SUV39H2: variants seen among roughly 807,000 people sequenced by gnomAD.
SUV39H2 encodes histone-lysine N-methyltransferase SUV39H2.
Under a neutral mutation model 47.5 loss-of-function variants are expected in SUV39H2, and 10 were observed. The ratio of observed to expected loss-of-function variants is 0.21; its 90% CI spans 0.13 to 0.36. The LOEUF is 0.36. Ranked by LOEUF, SUV39H2 falls within the 10% of genes least tolerant of loss-of-function variation. The pLI is 1.00. For missense variants in SUV39H2, 266 were observed against 487.4 expected, an observed-to-expected ratio of 0.55 and a Z score of 4.28; for synonymous variants, 159 against 166.8, an observed-to-expected ratio of 0.95 and a Z score of 0.36.
intron 2 of SUV39H2, among the ~76,000 whole-genome samples, chr10:14,893,937 T>TG (rs75527744): frequency 0.3 from 46,156 of 152,144 alleles, 9,770 homozygotes; most frequent in African/African-American, 0.59. Context: ...GATTGTTTGC[T>TG]GGAACACTTG....
rs1026609317 is a variant in SUV39H2, at chr10:14,899,067, C to G, written c.850-472C>G. The G allele has an allele frequency of 8.8e-5, 53 of 601,138 alleles. No individual in the cohort carries two copies. In the East Asian group the frequency reaches 1.5e-3, roughly 17 times the overall value. 37.2% of individuals were successfully genotyped at this position (601,138 alleles called of 1,614,324 possible). ...CATAAATCAACCAGTTACAGTTAATCCCAGCACTTGGGGAGGTCAAGGCTG... is the reference window on the plus strand; with the variant it reads ...CATAAATCAACCAGTTACAGTTAATGCCAGCACTTGGGGAGGTCAAGGCTG... On this transcript the variant is annotated intron_variant, in intron 3 of 5. Coordinates refer to ENST00000354919, the MANE Select transcript of SUV39H2 (RefSeq NM_001193424.2).
intron 2 of SUV39H2, among the ~76,000 whole-genome samples, chr10:14,891,510 C>CT (rs1554768611): frequency 2.6e-5 from 4 of 152,088 alleles, no homozygotes; most frequent in African/African-American, 4.8e-5. Flanking sequence ...GTGTTTGAAG[C>CT]TGTAAGTCTG....
intron 2 of SUV39H2, among the ~76,000 whole-genome samples, chr10:14,888,066 G>A (rs1165749783): frequency 2.0e-5 from 3 of 152,182 alleles, no homozygotes; most frequent in African/African-American, 7.2e-5. Context: ...CTCATAGGCC[G>A]AGGAAAGGAT....
chr10:14,891,549 G>GT (rs1430696821), intron 2 of SUV39H2, among the ~76,000 whole-genome samples: 2 of 152,152 alleles, frequency 1.3e-5, no homozygotes, highest in Admixed American at 6.5e-5. Context: ...GAAGATTAAT[G>GT]TTTAAGAATG....
rs372658702 is a variant in SUV39H2 at position 14,899,809 on chromosome 10, T to C, written c.996+124T>C. On this transcript the variant is annotated intron_variant, in intron 4 of 5. Coordinates refer to ENST00000354919, the MANE Select transcript of SUV39H2 (RefSeq NM_001193424.2). Reference sequence around the variant, plus strand: ...TAACATTTCCAAAATATGTATTTTATAAGGAGGGCAGCTTCTGTTAAGTTA... The same window carrying C: ...TAACATTTCCAAAATATGTATTTTACAAGGAGGGCAGCTTCTGTTAAGTTA... 2.6e-4 allele frequency: 303 copies of C among 1,176,004 alleles called. No individual in the cohort carries two copies. In the African/African-American group the frequency reaches 4.1e-3, roughly 16 times the overall value. 72.8% of individuals were successfully genotyped at this position (1,176,004 alleles called of 1,614,324 possible).
At chr10:14,892,141 CTG>C (rs1170333351) in intron 2 of SUV39H2, among the ~76,000 whole-genome samples, 1 of 152,122 alleles carries the variant, frequency 6.6e-6, no homozygotes, top group Admixed American at 6.5e-5. Flanking sequence ...AGAAGGAAGT[CTG>C]AGAAATGGTT....
intron 3 of SUV39H2, chr10:14,898,382 TTGAGC>T (rs1833753557): frequency 6.6e-6 from 1 of 151,952 alleles, no homozygotes; most frequent in Non-Finnish European, 1.5e-5. Context: ...GAAGGGTAGG[TTGAGC>T]TGTGACTAGA....
At chr10:14,898,202 CTTTTTTTTTTT>C (rs919860514) in intron 3 of SUV39H2, 4 of 56,156 alleles carry the variant, frequency 7.1e-5, no homozygotes, top group Non-Finnish European at 1.1e-4. Flanking sequence ...AGTACTGTTT[CTTTTTTTTTTT>C]TTTTTTTTTT....
At chr10:14,890,074 G>A (rs1833340300) in intron 2 of SUV39H2, among the ~76,000 whole-genome samples, 1 of 152,114 alleles carries the variant, frequency 6.6e-6, no homozygotes, top group Non-Finnish European at 1.5e-5. Flanking sequence ...ACCTCTATAT[G>A]GCGTGGCACA....
intron 2 of SUV39H2, among the ~76,000 whole-genome samples, chr10:14,883,005 C>T (rs1284312983): frequency 1.3e-5 from 2 of 151,960 alleles, no homozygotes; most frequent in Admixed American, 6.6e-5. Flanking sequence ...GTAGCTGGGA[C>T]CACAGGTGCC....
rs776572721 is a variant in SUV39H2 at position 14,896,949 on chromosome 10, C to G, written c.281C>G (p.Ser94Cys). 11 of 1,614,012 alleles carry G rather than the reference C, an allele frequency of 6.8e-6. No homozygotes were observed. Among genetic ancestry groups the G allele is most frequent in the Middle Eastern group, 3.3e-4 (2 of 6,060 alleles). ...LKCPLLLQQF[S>C]NDKHNYLSQV... Reference sequence around the variant, plus strand: ...TGCCCGTTACTGCTTCAGCAATTCTCTAATGACAAGCATAATTATTTATCT... The same window carrying G: ...TGCCCGTTACTGCTTCAGCAATTCTGTAATGACAAGCATAATTATTTATCT... The change falls in exon 3 of 6, where the codon TCT becomes TGT. Residue 94 changes from serine to cysteine, a missense_variant. Around this residue, in one of 4 missense-constraint regions of SUV39H2, gnomAD observed 91 missense variants for 110.9 expected, o/e 0.82. Coordinates refer to ENST00000354919, the MANE Select transcript of SUV39H2 (RefSeq NM_001193424.2).
chr10:14,901,093 C>A, intron 4 of SUV39H2, 40 bp from the exon 5 acceptor site: 2 of 1,606,248 alleles, frequency 1.2e-6, no homozygotes, highest in Non-Finnish European at 1.7e-6. Flanking sequence ...GGCTTGTTTA[C>A]ACCGTTTGTA....
At chr10:14,883,353 C>T (rs539992673) in intron 2 of SUV39H2, among the ~76,000 whole-genome samples, 2 of 152,030 alleles carry the variant, frequency 1.3e-5, no homozygotes, top group South Asian at 4.1e-4. Flanking sequence ...TTTTTAACAG[C>T]TTTGTTGAGA....
intron 2 of SUV39H2, among the ~76,000 whole-genome samples, chr10:14,887,337 A>T (rs1833245182): frequency 6.6e-6 from 1 of 152,150 alleles, no homozygotes; most frequent in Non-Finnish European, 1.5e-5. Context: ...GTCTAGGAAA[A>T]TACAGGTTTC....
chr10:14,898,754 T>TA (rs1201323236), intron 3 of SUV39H2: 1 of 153,740 alleles, frequency 6.5e-6, no homozygotes, highest in Admixed American at 6.5e-5. Flanking sequence ...ATCTTAGACT[T>TA]ACAGAATTGC....
At chr10:14,880,898 A>G (rs1419014256) in intron 1 of SUV39H2, among the ~76,000 whole-genome samples, 1 of 152,240 alleles carries the variant, frequency 6.6e-6, no homozygotes, top group South Asian at 2.1e-4. Context: ...GTGATAATAT[A>G]TTGCAGTATG....
intron 2 of SUV39H2, among the ~76,000 whole-genome samples, chr10:14,895,290 C>T (rs917851345): frequency 6.6e-6 from 1 of 151,948 alleles, no homozygotes; most frequent in African/African-American, 2.4e-5. Flanking sequence ...GATTCTCCTG[C>T]CTCAGCCTCC....
At chr10:14,887,045 A>G (rs1022459386) in intron 2 of SUV39H2, among the ~76,000 whole-genome samples, 2 of 152,196 alleles carry the variant, frequency 1.3e-5, no homozygotes, top group African/African-American at 4.8e-5. Flanking sequence ...GGCAGGTTCT[A>G]AAGAGAGTGA....
rs549781624 is a variant in SUV39H2 at position 14,896,996 on chromosome 10, A to G, written c.328A>G (p.Ile110Val). The G allele has an allele frequency of 8.1e-6, 13 of 1,614,166 alleles. No homozygotes were observed. The highest frequency in any genetic ancestry group is 5.5e-5 in the South Asian group (5 of 91,080). The change falls in exon 3 of 6, where the codon ATA becomes GTA. Residue 110 changes from isoleucine (I) to valine (V), a missense_variant. By Grantham distance (29) the Ile-to-Val change is conservative. Coordinates refer to ENST00000354919, the MANE Select transcript of SUV39H2 (RefSeq NM_001193424.2). ...YLSQVKKGKA[I>V]TPKDNNKTLK... is the part of the protein sequence containing the mutation. ...ATCTCAGGTAAAGAAAGGCAAAGCAATAACTCCAAAAGACAATAACAAAAC... is the reference window on the plus strand; with the variant it reads ...ATCTCAGGTAAAGAAAGGCAAAGCAGTAACTCCAAAAGACAATAACAAAAC...
Sources: gnomAD v4.1 joint callset for allele counts (sites outside exome capture counted in the v4.1 genomes callset) on GRCh38, gnomAD v4.1.1 for gene constraint, gnomAD v4.1.1 regional missense constraint, MANE v1.5 for transcripts, NCBI Gene and HGNC (gene_info 2026-07-23, HGNC 2026-07-21) for gene names.